CDH12: variants seen among roughly 807,000 people sequenced by gnomAD.
CDH12 encodes cadherin 12, also known as cadherin-12.
Under a neutral mutation model 74.1 loss-of-function variants are expected in CDH12, and 41 were observed. The observed-to-expected ratio is 0.55, with a 90% CI of 0.43 to 0.72. The LOEUF is 0.72. CDH12 is among the 30% of genes least tolerant of loss of function. The pLI is 0.00. For synonymous variants in CDH12, 399 were observed against 355.0 expected (o/e 1.12, Z -1.39); for missense variants, 945 against 977.2 (o/e 0.97, Z 0.44).
At chr5:22,128,176 C>T (rs1745987987) in intron 4 of CDH12, among the ~76,000 whole-genome samples, 1 of 152,082 alleles carries the variant, frequency 6.6e-6, no homozygotes. Flanking sequence ...AGGTTAGAGC[C>T]ACAGATGAGC....
chr5:21,890,536 A>C (rs908526284), intron 6 of CDH12, among the ~76,000 whole-genome samples: 1 of 152,130 alleles, frequency 6.6e-6, no homozygotes, highest in Non-Finnish European at 1.5e-5. Context: ...TGATTTCACT[A>C]TTCCACCTTC....
At chr5:22,216,854 G>A (rs1001363678) in intron 3 of CDH12, among the ~76,000 whole-genome samples, 6 of 151,652 alleles carry the variant, frequency 4.0e-5, no homozygotes, top group Non-Finnish European at 7.4e-5. Flanking sequence ...TTTTCTAACC[G>A]AAGCCATTTA....
At chr5:22,241,770 C>T (rs1417206552) in intron 3 of CDH12, among the ~76,000 whole-genome samples, 1 of 151,788 alleles carries the variant, frequency 6.6e-6, no homozygotes, top group Admixed American at 6.6e-5. Flanking sequence ...TACACATATA[C>T]TTTATAAATT....
At chr5:21,840,842 A>G (rs891552610) in intron 8 of CDH12, among the ~76,000 whole-genome samples, 5 of 152,212 alleles carry the variant, frequency 3.3e-5, no homozygotes, top group Admixed American at 2.6e-4. Flanking sequence ...CTTACACCTT[A>G]CACAAAAACC....
rs370853350 is a variant in CDH12, at chr5:22,513,984, C to T, written c.-522-8620G>A. On this transcript the variant is annotated intron_variant, in intron 1 of 14. Coordinates refer to ENST00000382254, the MANE Select transcript of CDH12 (RefSeq NM_004061.5). ...AAAAAAAAAAATGCACAACACATTA[C>T]GAAAAATAATGTTTGAAAGAAAGTA... Among the ~76,000 whole-genome samples, 20 of 146,584 alleles carry T rather than the reference C, an allele frequency of 1.4e-4. No homozygotes were observed. The East Asian group carries it at 1.4e-3, about 10-fold the overall frequency.
chr5:22,801,870 T>A (rs141851375), intron 1 of CDH12, among the ~76,000 whole-genome samples: 1 of 151,400 alleles, frequency 6.6e-6, no homozygotes, highest in African/African-American at 2.4e-5. Context: ...TAAAATCAAC[T>A]TCTAAAAAAT....
At chr5:22,261,180 A>AT (rs539458589) in intron 3 of CDH12, among the ~76,000 whole-genome samples, 22 of 150,966 alleles carry the variant, frequency 1.5e-4, no homozygotes, top group African/African-American at 3.6e-4. Flanking sequence ...TTCTACAGAA[A>AT]TTTTTTTTTG....
chr5:22,064,012 C>T (rs1741382188), intron 5 of CDH12, among the ~76,000 whole-genome samples: 1 of 149,812 alleles, frequency 6.7e-6, no homozygotes. Context: ...CACACACACA[C>T]ACACACACAA....
chr5:22,795,877 T>C (rs1460515654), intron 1 of CDH12, among the ~76,000 whole-genome samples: 1 of 152,020 alleles, frequency 6.6e-6, no homozygotes, highest in African/African-American at 2.4e-5. Context: ...TTGTACATTA[T>C]AAAGTGAGAC....
At chr5:22,398,585 A>G (rs1742568290) in intron 3 of CDH12, among the ~76,000 whole-genome samples, 1 of 152,134 alleles carries the variant, frequency 6.6e-6, no homozygotes, top group Non-Finnish European at 1.5e-5. Flanking sequence ...GTCAAATTAT[A>G]ATGATAGAAC....
At chr5:22,613,366 G>T (rs1258308938) in intron 1 of CDH12, among the ~76,000 whole-genome samples, 6 of 152,062 alleles carry the variant, frequency 3.9e-5, no homozygotes, top group Admixed American at 3.9e-4. Context: ...CTTATGATAT[G>T]TACAGAAATA....
At chr5:22,499,389 G>A (rs1050649765) in intron 2 of CDH12, among the ~76,000 whole-genome samples, 1 of 152,094 alleles carries the variant, frequency 6.6e-6, no homozygotes, top group Non-Finnish European at 1.5e-5. Flanking sequence ...ATCAGTCTTA[G>A]TTTACATGGC....
intron 1 of CDH12, among the ~76,000 whole-genome samples, chr5:22,730,492 C>A (rs757339700): frequency 6.6e-6 from 1 of 151,836 alleles, no homozygotes; most frequent in Non-Finnish European, 1.5e-5. Context: ...GATATCATTG[C>A]AGCTTTTACC....
rs79204325 is a variant in CDH12, at chr5:22,073,884, T to C, written c.231+4562A>G. On this transcript the variant is annotated intron_variant, in intron 5 of 14. Transcript: ENST00000382254. ...AAGAAAACCAATTGGTCCCTAAAAA[T>C]GTGGAGTTGACAATGGGAACTATAC... Among the ~76,000 whole-genome samples the C allele has an allele frequency of 7.7e-3, 1,176 of 152,222 alleles. 17 individuals carry two copies. Among genetic ancestry groups the C allele is most frequent in the African/African-American group, 0.027 (1,130 of 41,552 alleles).
intron 1 of CDH12, among the ~76,000 whole-genome samples, chr5:22,700,760 T>C (rs1012728355): frequency 2.6e-5 from 4 of 152,230 alleles, no homozygotes; most frequent in African/African-American, 9.6e-5. Context: ...TATTCAGTTA[T>C]TGAATCCATT....
rs553885152 is a variant in CDH12, at chr5:22,128,071, T to C, written c.-186-49209A>G. Among the ~76,000 whole-genome samples the C allele has an allele frequency of 2.9e-3, 441 of 152,232 alleles. 7 individuals carry two copies. The highest frequency in any genetic ancestry group is 0.01 in the African/African-American group (431 of 41,536). The stretch of plus-strand genomic sequence containing the variant: ...TAGTTTCTGAGGTGCCAAAGATTGA[T>C]GTGTGAGCCAAAGTTCATTATTGTT... On this transcript the variant is annotated intron_variant, in intron 4 of 14. Transcript: ENST00000382254.
chr5:22,024,571 G>C (rs1415064180), intron 5 of CDH12, among the ~76,000 whole-genome samples: 5 of 152,062 alleles, frequency 3.3e-5, no homozygotes, highest in Admixed American at 2.6e-4. Context: ...GGAGTACAGT[G>C]GTGTGATCTC....
At chr5:22,835,518 T>A (rs1736782704) in intron 1 of CDH12, among the ~76,000 whole-genome samples, 2 of 152,148 alleles carry the variant, frequency 1.3e-5, no homozygotes, top group Non-Finnish European at 2.9e-5. Flanking sequence ...GGGGGCTAGA[T>A]CAAGGAGAAT....
Position 22,191,368 on chromosome 5 carries a change from C to T in CDH12, c.-187+21130G>A, listed in dbSNP as rs548782671. Among the ~76,000 whole-genome samples the T allele has an allele frequency of 8.3e-4, 126 of 152,196 alleles. No homozygotes were observed. In the Middle Eastern group the frequency reaches 0.01, roughly 12 times the overall value. ...TGAGCTTTTTTGTTAATCATTTCAGCTCATAGATACACTGGATCGACCCAG... is the reference window on the plus strand; with the variant it reads ...TGAGCTTTTTTGTTAATCATTTCAGTTCATAGATACACTGGATCGACCCAG... On this transcript the variant is annotated intron_variant, in intron 4 of 14. Transcript: ENST00000382254.
Sources: allele counts gnomAD v4.1 joint callset (sites outside exome capture counted in the v4.1 genomes callset), GRCh38; gene constraint gnomAD v4.1.1; transcripts MANE v1.5; gene names NCBI Gene and HGNC (gene_info 2026-07-23, HGNC 2026-07-21).